Variants in HCN1 observed in about 807,000 individuals in gnomAD.
The protein encoded by HCN1 is potassium/sodium hyperpolarization-activated cyclic nucleotide-gated channel 1.
A neutral mutation model predicts 78.9 loss-of-function variants in HCN1; 13 were observed. That is an observed-to-expected ratio of 0.16 (90% CI 0.11 to 0.26). The LOEUF is 0.26. Among genes scored for constraint, HCN1 ranks in the 10% least tolerant of loss-of-function variants. The pLI is 1.00. For missense variants in HCN1, 810 were observed against 1,154.3 expected (o/e 0.70, Z 4.32); for synonymous variants, 552 against 455.5 (o/e 1.21, Z -2.70).
At chr5:45,502,293 C>T (rs571052534) in intron 2 of HCN1, among the ~76,000 whole-genome samples, 3 of 151,008 alleles carry the variant, frequency 2.0e-5, no homozygotes, top group African/African-American at 4.9e-5. Flanking sequence ...CATGGTGAAA[C>T]CCCATCTCTA....
intron 2 of HCN1, among the ~76,000 whole-genome samples, chr5:45,495,208 G>A (rs1384310405): frequency 6.8e-5 from 7 of 102,240 alleles, no homozygotes; most frequent in African/African-American, 1.9e-4. Context: ...CCATTTTCAC[G>A]ATATTGATTC....
At position 45,261,611 on chromosome 5, in the gene HCN1, A is replaced by T; in HGVS notation, c.*310T>A. 4.8e-6 allele frequency: 1 copy of T among 207,324 alleles called. No homozygotes were observed. Among genetic ancestry groups the T allele is most frequent in the Non-Finnish European group, 9.9e-6 (1 of 101,276 alleles). 12.8% of individuals were successfully genotyped at this position (207,324 alleles called of 1,614,324 possible). ...TAAAATAGAGAAATATACATATCAAAGGACTTAAGTAAAAGTAGGTTAGAA... is the reference window on the plus strand; with the variant it reads ...TAAAATAGAGAAATATACATATCAATGGACTTAAGTAAAAGTAGGTTAGAA... On this transcript the variant is annotated 3_prime_UTR_variant, in exon 8 of 8. Coordinates refer to ENST00000303230, the MANE Select transcript of HCN1 (RefSeq NM_021072.4).
intron 2 of HCN1, among the ~76,000 whole-genome samples, chr5:45,505,282 G>A (rs1307056365): frequency 6.6e-6 from 1 of 152,054 alleles, no homozygotes; most frequent in Non-Finnish European, 1.5e-5. Context: ...TTTTGTATAA[G>A]GTGTAAGAAA....
chr5:45,354,027 T>G (rs998398435), intron 4 of HCN1, among the ~76,000 whole-genome samples: 1 of 151,662 alleles, frequency 6.6e-6, no homozygotes, highest in African/African-American at 2.4e-5. Context: ...TATACACACA[T>G]GCGCGTGCAC....
At chr5:45,494,139 T>A (rs1741967070) in intron 2 of HCN1, among the ~76,000 whole-genome samples, 1 of 152,174 alleles carries the variant, frequency 6.6e-6, no homozygotes, top group South Asian at 2.1e-4. Context: ...CTGGGTTAAA[T>A]GGTATTTCCA....
chr5:45,657,967 A>C (rs1561234864), intron 1 of HCN1, among the ~76,000 whole-genome samples: 1 of 152,258 alleles, frequency 6.6e-6, no homozygotes, highest in Non-Finnish European at 1.5e-5. Flanking sequence ...AGCCGGAGGC[A>C]TCATGCTACC....
At chr5:45,671,867 T>C (rs747176803) in intron 1 of HCN1, among the ~76,000 whole-genome samples, 188 of 151,640 alleles carry the variant, frequency 1.2e-3, no homozygotes, top group Non-Finnish European at 2.1e-3. Flanking sequence ...ACTTTATCTT[T>C]ACAAAGTCAC....
chr5:45,333,550 A>C (rs1319870618), intron 5 of HCN1, among the ~76,000 whole-genome samples: 1 of 151,668 alleles, frequency 6.6e-6, no homozygotes, highest in Non-Finnish European at 1.5e-5. Flanking sequence ...TTGCTCAAGA[A>C]ATTTTTTCTC....
intron 3 of HCN1, among the ~76,000 whole-genome samples, chr5:45,455,760 C>CA (rs571706502): frequency 0.083 from 4,640 of 55,612 alleles, 82 homozygotes; most frequent in East Asian, 0.098. Context: ...TTCTGGAACT[C>CA]AAAAAAAAAA....
chr5:45,318,972 C>T (rs1036229886), intron 5 of HCN1, among the ~76,000 whole-genome samples: 2 of 151,924 alleles, frequency 1.3e-5, no homozygotes, highest in African/African-American at 4.8e-5. Flanking sequence ...TGTCTTGGTT[C>T]TTTTACTCAC....
intron 2 of HCN1, among the ~76,000 whole-genome samples, chr5:45,625,327 CA>C (rs933284680): frequency 2.8e-5 from 4 of 143,152 alleles, no homozygotes; most frequent in Admixed American, 7.1e-5. Context: ...CAAAACAAAA[CA>C]AAAAAAACTA....
chr5:45,686,606 C>CT (rs1561245166), intron 1 of HCN1, among the ~76,000 whole-genome samples: 2 of 151,800 alleles, frequency 1.3e-5, no homozygotes, highest in African/African-American at 4.8e-5. Flanking sequence ...ATTCTTTTCC[C>CT]TTTTTTAGAC....
chr5:45,673,262 G>A (rs748029480), intron 1 of HCN1, among the ~76,000 whole-genome samples: 3 of 151,570 alleles, frequency 2.0e-5, no homozygotes, highest in Non-Finnish European at 4.4e-5. Context: ...ATCATGTCAA[G>A]TGTATATACT....
At chr5:45,592,808 T>C (rs553345683) in intron 2 of HCN1, among the ~76,000 whole-genome samples, 32 of 152,292 alleles carry the variant, frequency 2.1e-4, no homozygotes, top group African/African-American at 7.2e-4. Context: ...GTAATGTCTT[T>C]TTTAACATAG....
chr5:45,405,060 G>GT (rs1450269045), intron 3 of HCN1, among the ~76,000 whole-genome samples: 1 of 152,106 alleles, frequency 6.6e-6, no homozygotes, highest in East Asian at 1.9e-4. Context: ...TAATAAAGAG[G>GT]TGAAATTAGA....
intron 1 of HCN1, among the ~76,000 whole-genome samples, chr5:45,687,380 T>C (rs1463702941): frequency 3.9e-5 from 6 of 152,154 alleles, no homozygotes; most frequent in African/African-American, 9.6e-5. Context: ...TAGAATACCT[T>C]ATGGTAGATT....
At chr5:45,469,185 T>C (rs182371176) in intron 2 of HCN1, among the ~76,000 whole-genome samples, 1 of 152,056 alleles carries the variant, frequency 6.6e-6, no homozygotes, top group African/African-American at 2.4e-5. Flanking sequence ...GAAATACATC[T>C]TTTCAACTTT....
At chr5:45,648,624 A>T (rs532863191) in intron 1 of HCN1, among the ~76,000 whole-genome samples, 3 of 152,172 alleles carry the variant, frequency 2.0e-5, no homozygotes, top group Admixed American at 2.0e-4. Flanking sequence ...TTAAAAATTG[A>T]CCTCATGAAA....
chr5:45,354,758 A>G (rs1199472060), intron 4 of HCN1, among the ~76,000 whole-genome samples: 1 of 152,010 alleles, frequency 6.6e-6, no homozygotes, highest in Non-Finnish European at 1.5e-5. Flanking sequence ...AGGCCTATGT[A>G]CATCTCTCTG....
Sources: gnomAD v4.1 joint callset for allele counts (sites outside exome capture counted in the v4.1 genomes callset) on GRCh38, gnomAD v4.1.1 for gene constraint, MANE v1.5 for transcripts, NCBI Gene and HGNC (gene_info 2026-07-23, HGNC 2026-07-21) for gene names.